Variants in GAN observed in about 807,000 individuals in gnomAD.
GAN encodes the protein gigaxonin.
In GAN, 48 loss-of-function variants were observed where a neutral mutation model predicts 71.3. The ratio of observed to expected loss-of-function variants is 0.67; its 90% CI spans 0.53 to 0.86. The LOEUF is 0.86. Ranked by LOEUF, GAN falls within the 40% of genes least tolerant of loss-of-function variation. GAN has a pLI of 0.00. For synonymous variants in GAN, 386 were observed against 276.8 expected, an observed-to-expected ratio of 1.39 and a Z score of -3.92; for missense variants, 928 against 770.1, an observed-to-expected ratio of 1.21 and a Z score of -2.43.
Position 81,349,089 on chromosome 16 carries a change from A to G in GAN, c.168-2494A>G, listed in dbSNP as rs184706433. Among the ~76,000 whole-genome samples, 138 of 152,284 alleles carry G rather than the reference A, an allele frequency of 9.1e-4. 1 individual carries two copies. The highest frequency in any genetic ancestry group is 7.2e-5 in the African/African-American group (3 of 41,556). ...GCTAGGGAGAGTCTTATTGAGCTCTACAGGGAAGATGTGTATCCACATGGA... is the reference window on the plus strand; with the variant it reads ...GCTAGGGAGAGTCTTATTGAGCTCTGCAGGGAAGATGTGTATCCACATGGA... On this transcript the variant is annotated intron_variant, in intron 1 of 10. Transcript: ENST00000648994.
intron 1 of GAN, among the ~76,000 whole-genome samples, chr16:81,345,454 G>T (rs1214956439): frequency 6.6e-6 from 1 of 152,172 alleles, no homozygotes; most frequent in Non-Finnish European, 1.5e-5. Flanking sequence ...CAGGGACATG[G>T]ATGAAGCTGG....
intron 1 of GAN, among the ~76,000 whole-genome samples, chr16:81,332,508 T>G (rs1269372515): frequency 1.3e-5 from 2 of 152,230 alleles, no homozygotes; most frequent in Non-Finnish European, 2.9e-5. Context: ...CCTTCCTTGG[T>G]GTACTTGCTC....
intron 1 of GAN, among the ~76,000 whole-genome samples, chr16:81,347,298 G>C (rs1331201219): frequency 5.3e-5 from 8 of 152,176 alleles, no homozygotes; most frequent in Non-Finnish European, 1.2e-4. Flanking sequence ...GAAATACAGG[G>C]AGGAAAGAAA....
At chr16:81,334,738 A>G (rs906575464) in intron 1 of GAN, among the ~76,000 whole-genome samples, 3 of 152,166 alleles carry the variant, frequency 2.0e-5, no homozygotes, top group African/African-American at 7.2e-5. Context: ...GAGTGCAGAA[A>G]AGCTCACAAC....
At chr16:81,334,406 T>G (rs1228268132) in intron 1 of GAN, among the ~76,000 whole-genome samples, 1 of 152,202 alleles carries the variant, frequency 6.6e-6, no homozygotes, top group East Asian at 1.9e-4. Context: ...AAGTAAACCC[T>G]TGATTTTCCT....
At chr16:81,324,556 A>G (rs148173584) in intron 1 of GAN, among the ~76,000 whole-genome samples, 1 of 152,256 alleles carries the variant, frequency 6.6e-6, no homozygotes, top group Non-Finnish European at 1.5e-5. Context: ...GTGGGATGGC[A>G]TCGACAACAG....
intron 1 of GAN, among the ~76,000 whole-genome samples, chr16:81,340,993 T>A (rs1310323709): frequency 1.3e-5 from 2 of 151,436 alleles, no homozygotes; most frequent in Admixed American, 6.6e-5. Context: ...CTTCATGAAG[T>A]ATACACAAGC....
At chr16:81,352,413 C>G (rs529822775) in intron 2 of GAN, among the ~76,000 whole-genome samples, 2 of 152,332 alleles carry the variant, frequency 1.3e-5, no homozygotes, top group South Asian at 4.1e-4. Flanking sequence ...CAAGAAAAAT[C>G]TTCCGTGTGA....
intron 1 of GAN, among the ~76,000 whole-genome samples, chr16:81,348,867 G>A (rs1398526050): frequency 6.6e-6 from 1 of 152,286 alleles, no homozygotes; most frequent in Non-Finnish European, 1.5e-5. Context: ...TTCTTGCTTG[G>A]AAGATATGTT....
intron 4 of GAN, among the ~76,000 whole-genome samples, chr16:81,357,379 A>T (rs111939336): frequency 2.6e-5 from 4 of 152,074 alleles, no homozygotes; most frequent in African/African-American, 9.7e-5. Context: ...TTCTTGCGAT[A>T]GTTTACTGAG....
At chr16:81,359,986 A>G (rs964202171) in intron 5 of GAN, among the ~76,000 whole-genome samples, 8 of 152,038 alleles carry the variant, frequency 5.3e-5, no homozygotes, top group African/African-American at 1.7e-4. Context: ...TAGCTACTAT[A>G]TACACAATAT....
rs959319084 is a variant in GAN, at chr16:81,365,341, G to A, written c.1374-9G>A. The A allele has an allele frequency of 3.1e-6, 5 of 1,613,962 alleles. No individual in the cohort carries two copies. The highest frequency in any genetic ancestry group is 2.7e-5 in the African/African-American group (2 of 74,964). On this transcript the variant is annotated splice_polypyrimidine_tract_variant and intron_variant, in intron 8 of 10. Coordinates refer to ENST00000648994, the MANE Select transcript of GAN (RefSeq NM_022041.4). Reference sequence around the variant, plus strand: ...CTTGTGCCTGATAACGCTGTGTGTGGCCTTTCAGGTTTGGAGCGGTGGCCT... The same window carrying A: ...CTTGTGCCTGATAACGCTGTGTGTGACCTTTCAGGTTTGGAGCGGTGGCCT...
intron 9 of GAN, among the ~76,000 whole-genome samples, chr16:81,376,636 ATGTGTGTATATATG>A (rs1220582646): frequency 5.5e-4 from 9 of 16,348 alleles, no homozygotes; most frequent in African/African-American, 1.6e-3. Context: ...ACATACATAT[ATGTGTGTATATATG>A]TGTGTATATA....
intron 1 of GAN, among the ~76,000 whole-genome samples, chr16:81,341,075 A>G (rs1909925315): frequency 6.6e-6 from 1 of 152,026 alleles, no homozygotes; most frequent in East Asian, 1.9e-4. Flanking sequence ...AAATAAAGCA[A>G]GAAGACAAGA....
At chr16:81,335,026 A>G (rs1402958503) in intron 1 of GAN, among the ~76,000 whole-genome samples, 1 of 151,996 alleles carries the variant, frequency 6.6e-6, no homozygotes, top group Non-Finnish European at 1.5e-5. Context: ...ATGGAAAAAT[A>G]AAGCAAGGGA....
At position 81,356,817 on chromosome 16, in the gene GAN, G is replaced by C; in HGVS notation, c.666G>C (p.Trp222Cys). 6.2e-7 allele frequency: 1 copy of C among 1,613,690 alleles called. No individual in the cohort carries two copies. Among genetic ancestry groups the C allele is most frequent in the Non-Finnish European group, 8.5e-7 (1 of 1,179,600 alleles). ...VHMKDVMSAL[W>C]VSGLDSSYLR... is the part of the protein sequence containing the mutation. ...TGAAGGATGTTATGTCAGCTCTGTGGGTTTCAGGGTTGGACTCCAGTTATT... is the reference window on the plus strand; with the variant it reads ...TGAAGGATGTTATGTCAGCTCTGTGCGTTTCAGGGTTGGACTCCAGTTATT... Residue 222 changes from tryptophan (W) to cysteine (C), a missense_variant, in exon 4 of 11, where the codon TGG becomes TGC. Transcript: ENST00000648994.
intron 9 of GAN, among the ~76,000 whole-genome samples, chr16:81,368,865 T>C (rs1910947539): frequency 1.3e-5 from 2 of 152,210 alleles, no homozygotes; most frequent in Non-Finnish European, 2.9e-5. Flanking sequence ...ACCTTTTTGC[T>C]CAGAGTTTTT....
intron 1 of GAN, among the ~76,000 whole-genome samples, chr16:81,315,489 C>T (rs1049968514): frequency 7.9e-5 from 12 of 151,932 alleles, no homozygotes; most frequent in Non-Finnish European, 1.2e-4. Flanking sequence ...CTTCCAGGCC[C>T]GCGCTCCCCA....
chr16:81,355,856 C>T (rs994410099), intron 3 of GAN, among the ~76,000 whole-genome samples: 2 of 152,028 alleles, frequency 1.3e-5, no homozygotes, highest in African/African-American at 4.8e-5. Context: ...TCTGTAAGCC[C>T]ATAAGTATGC....
Sources: allele counts gnomAD v4.1 joint callset (sites outside exome capture counted in the v4.1 genomes callset), GRCh38; gene constraint gnomAD v4.1.1; transcripts MANE v1.5; gene names NCBI Gene and HGNC (gene_info 2026-07-23, HGNC 2026-07-21).